The following OSBPL6 variants were observed in gnomAD, a reference collection of about 807,000 sequenced individuals.
The protein encoded by OSBPL6 is oxysterol-binding protein-related protein 6.
A neutral mutation model predicts 125.8 loss-of-function variants in OSBPL6; 49 were observed. The ratio of observed to expected loss-of-function variants is 0.39; its 90% CI spans 0.31 to 0.49. The LOEUF is 0.49. Among genes scored for constraint, OSBPL6 ranks in the 20% least tolerant of loss-of-function variants. The probability of loss-of-function intolerance (pLI) is 0.88; values close to 1 mark genes in which losing one functional copy is unlikely to be tolerated. For synonymous variants in OSBPL6, 394 were observed against 391.8 expected (o/e 1.01, Z -0.07); for missense variants, 986 against 1,135.4 (o/e 0.87, Z 1.89).
At chr2:178,253,538 C>T (rs536262679) in intron 1 of OSBPL6, among the ~76,000 whole-genome samples, 1 of 152,170 alleles carries the variant, frequency 6.6e-6, no homozygotes, top group South Asian at 2.1e-4. Flanking sequence ...ACATCTGGTC[C>T]AACTGGTTCC....
chr2:178,394,006 C>G (rs1387344107), intron 23 of OSBPL6, among the ~76,000 whole-genome samples: 1 of 152,202 alleles, frequency 6.6e-6, no homozygotes, highest in Non-Finnish European at 1.5e-5. Context: ...TCCTGAAAAT[C>G]TCAAGTTATA....
At chr2:178,382,655 G>A (rs1369950581) in intron 16 of OSBPL6, 148 bp downstream of exon 16, 11 of 1,462,202 alleles carry the variant, frequency 7.5e-6, no homozygotes, top group Non-Finnish European at 9.1e-6. Context: ...ATTCTATTTT[G>A]TATGATCTCT....
chr2:178,225,508 G>A (rs183132939), intron 1 of OSBPL6, among the ~76,000 whole-genome samples: 2 of 152,286 alleles, frequency 1.3e-5, no homozygotes, highest in South Asian at 2.1e-4. Flanking sequence ...TCTAGTGATG[G>A]GATTCTGTAG....
intron 3 of OSBPL6, chr2:178,320,299 T>G (rs912824963): frequency 6.8e-6 from 11 of 1,612,372 alleles, no homozygotes; most frequent in Non-Finnish European, 9.3e-6. Flanking sequence ...CTGAGGAGCA[T>G]ATTTTTACCA....
At chr2:178,247,662 C>A (rs1166968515) in intron 1 of OSBPL6, among the ~76,000 whole-genome samples, 2 of 152,084 alleles carry the variant, frequency 1.3e-5, no homozygotes, top group Non-Finnish European at 2.9e-5. Flanking sequence ...TCCAAAGCCT[C>A]CAGACTCCCT....
At chr2:178,323,377 T>G (rs1004972723) in intron 3 of OSBPL6, among the ~76,000 whole-genome samples, 1 of 152,216 alleles carries the variant, frequency 6.6e-6, no homozygotes, top group African/African-American at 2.4e-5. Flanking sequence ...CACCTACCGT[T>G]TATGGTATTT....
At chr2:178,391,359 G>A (rs1380186548) in intron 22 of OSBPL6, 142 bp downstream of exon 22, 2 of 824,792 alleles carry the variant, frequency 2.4e-6, no homozygotes, top group African/African-American at 3.5e-5. Flanking sequence ...GGCAATTATA[G>A]TTACATTCAT....
chr2:178,344,225 A>T lies in OSBPL6; in HGVS notation c.987+4461A>T, dbSNP rs1235414263. ...TTGTCTGATTATCTTTCATCCTCCC[A>T]TCTTCCATCCTTTCCTCCCCCGTCC... On this transcript the variant is annotated intron_variant, in intron 11 of 24. Transcript: ENST00000190611. 5.8e-6 allele frequency: 8 copies of T among 1,389,814 alleles called. No individual in the cohort carries two copies. In the Admixed American group the frequency reaches 6.8e-5, roughly 12 times the overall value. The allele number at this position is 1,389,814 out of a possible 1,614,324, so 86.1% of individuals were successfully genotyped here. A position where few individuals can be genotyped will look rare whatever the true frequency, so the allele number is the denominator to read the frequency against.
At chr2:178,361,406 AT>A in intron 12 of OSBPL6, among the ~76,000 whole-genome samples, 1 of 152,304 alleles carries the variant, frequency 6.6e-6, no homozygotes, top group South Asian at 2.1e-4. Context: ...GATACTTTGC[AT>A]TGATCTTGAT....
At position 178,219,337 on chromosome 2, in the gene OSBPL6, C is replaced by T. The variant is rs578197971; in HGVS notation, c.-351+24663C>T. Among the ~76,000 whole-genome samples the T allele has an allele frequency of 1.0e-3, 158 of 152,284 alleles. 1 individual carries two copies. The highest frequency in any genetic ancestry group is 3.8e-3 in the African/African-American group (157 of 41,540). On this transcript the variant is annotated intron_variant, in intron 1 of 24. Coordinates refer to ENST00000190611, the MANE Select transcript of OSBPL6 (RefSeq NM_032523.4). The stretch of plus-strand genomic sequence containing the variant: ...AGGAAATGGAAGCACAGAAGCAGTA[C>T]AGCTTACTGAAAATAAAAAATAGTA...
intron 13 of OSBPL6, among the ~76,000 whole-genome samples, chr2:178,368,273 G>T (rs1246323486): frequency 6.6e-6 from 1 of 152,174 alleles, no homozygotes; most frequent in Non-Finnish European, 1.5e-5. Flanking sequence ...AAGGCAAAAG[G>T]GGGAGGATGC....
intron 1 of OSBPL6, among the ~76,000 whole-genome samples, chr2:178,221,808 A>C (rs1487539854): frequency 6.6e-6 from 1 of 152,216 alleles, no homozygotes; most frequent in African/African-American, 2.4e-5. Context: ...AGCATGTTTT[A>C]GATACTGTTA....
intron 1 of OSBPL6, among the ~76,000 whole-genome samples, chr2:178,196,915 A>T (rs1022096227): frequency 6.6e-6 from 1 of 152,122 alleles, no homozygotes; most frequent in African/African-American, 2.4e-5. Context: ...ACTCAATATT[A>T]TATCTCTGGA....
intron 20 of OSBPL6, among the ~76,000 whole-genome samples, chr2:178,388,062 A>G (rs186475456): frequency 4.1e-4 from 62 of 152,284 alleles, no homozygotes; most frequent in East Asian, 3.9e-4. Context: ...TATGGTGCCT[A>G]CATCATACCA....
At chr2:178,349,616 T>A in intron 12 of OSBPL6, among the ~76,000 whole-genome samples, 1 of 152,134 alleles carries the variant, frequency 6.6e-6, no homozygotes, top group East Asian at 1.9e-4. Flanking sequence ...TGCCATGGGG[T>A]TGGGGATAAA....
intron 1 of OSBPL6, among the ~76,000 whole-genome samples, chr2:178,197,604 A>T (rs1384228443): frequency 6.6e-6 from 1 of 152,236 alleles, no homozygotes; most frequent in Non-Finnish European, 1.5e-5. Context: ...TAGGTACAGT[A>T]AGAGATTAAC....
intron 3 of OSBPL6, among the ~76,000 whole-genome samples, chr2:178,317,599 TTATAAA>T (rs1265500913): frequency 6.6e-6 from 1 of 151,062 alleles, no homozygotes; most frequent in Non-Finnish European, 1.5e-5. Context: ...ATACATGTTC[TTATAAA>T]TATTTGCTGA....
chr2:178,333,082 A>G, intron 8 of OSBPL6, 41 bp downstream of exon 8: 1 of 1,606,696 alleles, frequency 6.2e-7, no homozygotes, highest in Non-Finnish European at 8.5e-7. Context: ...AAAATTGCTT[A>G]GAAAATTATG....
intron 3 of OSBPL6, among the ~76,000 whole-genome samples, chr2:178,319,786 A>G (rs1459436401): frequency 6.6e-6 from 1 of 152,264 alleles, no homozygotes; most frequent in Non-Finnish European, 1.5e-5. Context: ...TAGAAGAGAT[A>G]CATGCGAGAT....
Sources: allele counts gnomAD v4.1 joint callset (sites outside exome capture counted in the v4.1 genomes callset), GRCh38; gene constraint gnomAD v4.1.1; transcripts MANE v1.5; gene names NCBI Gene and HGNC (gene_info 2026-07-23, HGNC 2026-07-21).